Variants in CCDC126 observed in about 807,000 individuals in gnomAD.
CCDC126 encodes coiled-coil domain containing 126, also known as coiled-coil domain-containing protein 126.
In CCDC126, 5 loss-of-function variants were observed where a neutral mutation model predicts 11.7. That is an observed-to-expected ratio of 0.43 (90% CI 0.22 to 0.90). The LOEUF (loss-of-function observed/expected upper bound fraction) is 0.90. Among genes scored for constraint, CCDC126 ranks in the 40% least tolerant of loss-of-function variants. The pLI is 0.27. For synonymous variants in CCDC126, 60 were observed against 61.9 expected, an observed-to-expected ratio of 0.97 and a Z score of 0.14; for missense variants, 150 against 163.1, an observed-to-expected ratio of 0.92 and a Z score of 0.44.
chr7:23,598,378 TTG>T (rs1782466828), intron 2 of CCDC126: 1 of 152,214 alleles, frequency 6.6e-6, no homozygotes, highest in African/African-American at 2.4e-5. Flanking sequence ...TCATCCTGGG[TTG>T]TGTGTTCTTC....
At chr7:23,597,689 C>CGCCCCCGTCCCCG (rs959095291) in intron 1 of CCDC126, 84 bp downstream of exon 1, 1 of 152,760 alleles carries the variant, frequency 6.5e-6, no homozygotes, top group African/African-American at 2.4e-5. Flanking sequence ...TCCCCCGCCG[C>CGCCCCCGTCCCCG]GCCCCCGTCC....
intron 1 of CCDC126, 62 bp downstream of exon 1, chr7:23,597,667 G>A (rs577720618): frequency 1.2e-3 from 187 of 152,810 alleles, no homozygotes; most frequent in South Asian, 8.5e-3. Context: ...CCTCAGCCTA[G>A]CCGGCCGCTC....
At chr7:23,627,317 C>A (rs572181877) in intron 3 of CCDC126, among the ~76,000 whole-genome samples, 12 of 151,978 alleles carry the variant, frequency 7.9e-5, no homozygotes, top group East Asian at 5.8e-4. Flanking sequence ...GGAGTTGAGA[C>A]CAACTTGGGC....
chr7:23,619,022 A>G (rs1782843052), intron 3 of CCDC126, among the ~76,000 whole-genome samples: 1 of 152,044 alleles, frequency 6.6e-6, no homozygotes, highest in Admixed American at 6.6e-5. Context: ...TGAGCGAGAG[A>G]AAAAGGCTGG....
rs186734794 is a variant in CCDC126 at position 23,639,918 on chromosome 7, G to C, written c.239-3013G>C. Among the ~76,000 whole-genome samples the C allele has an allele frequency of 3.4e-3, 511 of 152,312 alleles. 3 individuals carry two copies. The highest frequency in any genetic ancestry group is 0.012 in the African/African-American group (493 of 41,572). The stretch of plus-strand genomic sequence containing the variant: ...AGGCTGGCTGCGGTGGCTCACGCCT[G>C]TAATCCCAGCACTTTGGGAGGCCGA... On this transcript the variant is annotated intron_variant, in intron 3 of 3. Transcript: ENST00000307471.
chr7:23,616,419 T>C (rs372794954), intron 3 of CCDC126, among the ~76,000 whole-genome samples: 3 of 152,222 alleles, frequency 2.0e-5, no homozygotes, highest in East Asian at 3.8e-4. Flanking sequence ...GGTTATCCCC[T>C]GATTTTAAGG....
At chr7:23,629,441 A>G (rs1015813593) in intron 3 of CCDC126, among the ~76,000 whole-genome samples, 1 of 152,222 alleles carries the variant, frequency 6.6e-6, no homozygotes, top group Admixed American at 6.5e-5. Context: ...AATTTCTATT[A>G]ATTACCTAGT....
chr7:23,633,561 G>C (rs1783151748), intron 3 of CCDC126, among the ~76,000 whole-genome samples: 1 of 151,610 alleles, frequency 6.6e-6, no homozygotes, highest in Admixed American at 6.6e-5. Context: ...AACTCACTTT[G>C]ATAACCAAGA....
chr7:23,598,435 C>T (rs1263078648), intron 2 of CCDC126: 3 of 152,188 alleles, frequency 2.0e-5, no homozygotes, highest in Non-Finnish European at 2.9e-5. Flanking sequence ...AATATGCCGT[C>T]TTCCTAATTT....
chr7:23,611,700 A>G, intron 3 of CCDC126, 147 bp downstream of exon 3: 1 of 635,724 alleles, frequency 1.6e-6, no homozygotes, highest in Non-Finnish European at 2.8e-6. Flanking sequence ...GTACTGAAAA[A>G]TAGAGATACT....
chr7:23,641,903 G>A (rs894773647), intron 3 of CCDC126, among the ~76,000 whole-genome samples: 2 of 152,144 alleles, frequency 1.3e-5, no homozygotes, highest in African/African-American at 4.8e-5. Flanking sequence ...ATTTGCACTG[G>A]ACCCTAGGCT....
intron 3 of CCDC126, among the ~76,000 whole-genome samples, chr7:23,629,990 G>A (rs1340210858): frequency 1.3e-5 from 2 of 152,050 alleles, no homozygotes; most frequent in Admixed American, 6.5e-5. Context: ...AACCCCAATC[G>A]GGATAAACCC....
chr7:23,625,377 C>A (rs897846011), intron 3 of CCDC126, among the ~76,000 whole-genome samples: 6 of 152,112 alleles, frequency 3.9e-5, no homozygotes, highest in Non-Finnish European at 5.9e-5. Context: ...TGTCAGATTG[C>A]CCTCCAGAAT....
chr7:23,600,690 A>G (rs543656785), intron 2 of CCDC126, among the ~76,000 whole-genome samples: 128 of 152,262 alleles, frequency 8.4e-4, no homozygotes, highest in African/African-American at 3.0e-3. Flanking sequence ...TACTTTAGCT[A>G]TAGTTATAAT....
chr7:23,609,269 T>G (rs546812809), intron 2 of CCDC126, among the ~76,000 whole-genome samples: 1 of 152,034 alleles, frequency 6.6e-6, no homozygotes, highest in Non-Finnish European at 1.5e-5. Flanking sequence ...CTGCAACTTC[T>G]GCCTCCTGGG....
intron 3 of CCDC126, among the ~76,000 whole-genome samples, chr7:23,615,669 G>C (rs568383838): frequency 7.2e-5 from 11 of 152,288 alleles, no homozygotes; most frequent in Middle Eastern, 6.8e-3. Context: ...GCCATTGTAG[G>C]GTTATTAATT....
chr7:23,638,670 C>G (rs1358096676), intron 3 of CCDC126, among the ~76,000 whole-genome samples: 5 of 120,068 alleles, frequency 4.2e-5, no homozygotes, highest in African/African-American at 6.7e-5. Context: ...TCCTATGACC[C>G]TGCCAAATCC....
At chr7:23,621,671 A>T (rs1257672879) in intron 3 of CCDC126, among the ~76,000 whole-genome samples, 1 of 152,106 alleles carries the variant, frequency 6.6e-6, no homozygotes, top group Admixed American at 6.6e-5. Context: ...TTTCAAAGGG[A>T]ATGCTTCCAG....
chr7:23,599,976 G>A (rs917509084), intron 2 of CCDC126, among the ~76,000 whole-genome samples: 32 of 151,978 alleles, frequency 2.1e-4, no homozygotes, highest in African/African-American at 7.7e-4. Flanking sequence ...GTAGAGATGG[G>A]GTTTCACCAT....
Sources: allele counts gnomAD v4.1 joint callset (sites outside exome capture counted in the v4.1 genomes callset), GRCh38; gene constraint gnomAD v4.1.1; transcripts MANE v1.5; gene names NCBI Gene and HGNC (gene_info 2026-07-23, HGNC 2026-07-21).